The following EYA4 variants were observed in gnomAD, a reference collection of about 807,000 sequenced individuals.
EYA4 encodes the protein EYA transcriptional coactivator and phosphatase 4.
A neutral mutation model predicts 87.9 loss-of-function variants in EYA4; 31 were observed. That is an observed-to-expected ratio of 0.35 (90% confidence interval 0.27 to 0.48). The LOEUF (loss-of-function observed/expected upper bound fraction) is 0.48, where lower values mean the gene tolerates loss of function less well. Ranked by LOEUF, EYA4 falls within the 20% of genes least tolerant of loss-of-function variation. EYA4 has a pLI of 0.99. For missense variants in EYA4, 678 were observed against 761.4 expected, an observed-to-expected ratio of 0.89 and a Z score of 1.29; for synonymous variants, 263 against 270.6, an observed-to-expected ratio of 0.97 and a Z score of 0.28.
intron 1 of EYA4, among the ~76,000 whole-genome samples, chr6:133,246,301 C>A (rs1774403218): frequency 1.3e-5 from 2 of 152,112 alleles, no homozygotes; most frequent in South Asian, 4.1e-4. Flanking sequence ...ACCAGAAATT[C>A]TCATTTTTTT....
At chr6:133,389,663 C>T (rs1239481885) in intron 3 of EYA4, among the ~76,000 whole-genome samples, 2 of 152,190 alleles carry the variant, frequency 1.3e-5, no homozygotes, top group Admixed American at 6.5e-5. Flanking sequence ...ATTGTAATTA[C>T]ACTTCTTTCC....
intron 2 of EYA4, among the ~76,000 whole-genome samples, chr6:133,314,454 G>A (rs1419488533): frequency 1.3e-5 from 2 of 152,148 alleles, no homozygotes; most frequent in Non-Finnish European, 2.9e-5. Flanking sequence ...AGTCATGAAT[G>A]TCTTCTTTCC....
intron 14 of EYA4, among the ~76,000 whole-genome samples, chr6:133,511,319 T>C (rs965289608): frequency 3.3e-5 from 5 of 151,210 alleles, no homozygotes; most frequent in Non-Finnish European, 7.4e-5. Flanking sequence ...AATTTAATGA[T>C]TTTTTTTAAA....
chr6:133,466,938 A>G (rs1225394779), intron 10 of EYA4, among the ~76,000 whole-genome samples: 2 of 152,120 alleles, frequency 1.3e-5, no homozygotes, highest in Non-Finnish European at 2.9e-5. Context: ...CATTTTGAGC[A>G]AGAAAATTAC....
intron 3 of EYA4, among the ~76,000 whole-genome samples, chr6:133,418,491 G>T (rs931546952): frequency 3.9e-5 from 6 of 152,078 alleles, no homozygotes; most frequent in Non-Finnish European, 8.8e-5. Context: ...TTATTCTGTG[G>T]ACTTTTTTCT....
At chr6:133,311,195 G>A (rs6941879) in intron 2 of EYA4, among the ~76,000 whole-genome samples, 125,262 of 152,196 alleles carry the variant, frequency 0.82, 51,797 homozygotes, top group African/African-American at 0.89. Context: ...TGCTACTGCC[G>A]GCTTGTGATA....
At chr6:133,483,386 T>C (rs914567139) in intron 13 of EYA4, among the ~76,000 whole-genome samples, 1 of 152,066 alleles carries the variant, frequency 6.6e-6, no homozygotes, top group African/African-American at 2.4e-5. Context: ...ATAATTATTT[T>C]AGAAAAAAAA....
intron 3 of EYA4, among the ~76,000 whole-genome samples, chr6:133,428,234 G>A (rs1790848858): frequency 6.6e-6 from 1 of 152,204 alleles, no homozygotes; most frequent in South Asian, 2.1e-4. Flanking sequence ...GGCTGAGGAG[G>A]GATGAATTTG....
chr6:133,449,184 A>G (rs1185436416), intron 5 of EYA4, among the ~76,000 whole-genome samples: 1 of 152,202 alleles, frequency 6.6e-6, no homozygotes, highest in African/African-American at 2.4e-5. Flanking sequence ...TGTAGGCCAC[A>G]TGTCTGTGTT....
chr6:133,427,348 C>A (rs985245208), intron 3 of EYA4, among the ~76,000 whole-genome samples: 16 of 152,140 alleles, frequency 1.1e-4, no homozygotes, highest in African/African-American at 3.6e-4. Flanking sequence ...ATTAGTCAAT[C>A]ATGTTATCTG....
At chr6:133,365,233 C>A (rs1784769237) in intron 2 of EYA4, among the ~76,000 whole-genome samples, 1 of 152,174 alleles carries the variant, frequency 6.6e-6, no homozygotes, top group African/African-American at 2.4e-5. Flanking sequence ...ATCCTTGAGT[C>A]TTCTTCCTGT....
chr6:133,480,596 T>G (rs1796120758), intron 11 of EYA4, among the ~76,000 whole-genome samples: 1 of 152,180 alleles, frequency 6.6e-6, no homozygotes, highest in Non-Finnish European at 1.5e-5. Context: ...CATTGATAAT[T>G]TTATATTGAT....
intron 2 of EYA4, among the ~76,000 whole-genome samples, chr6:133,336,799 T>G (rs1471077608): frequency 1.3e-5 from 2 of 152,204 alleles, no homozygotes; most frequent in African/African-American, 4.8e-5. Flanking sequence ...TATGGAAACA[T>G]GTTAAGAACT....
At chr6:133,268,712 C>T (rs1776435618) in intron 1 of EYA4, among the ~76,000 whole-genome samples, 2 of 152,142 alleles carry the variant, frequency 1.3e-5, no homozygotes, top group East Asian at 3.9e-4. Context: ...AATGGGTCAG[C>T]TAGGAAAGGA....
rs1341930820 is a variant in EYA4 at position 133,529,431 on chromosome 6, A to G, written c.*626A>G. Reference sequence around the variant, plus strand: ...ATTGTCTCTTTTTTAAGTTTGGCAAACAGAATGTTCATACTGATGTGTTGT... The same window carrying G: ...ATTGTCTCTTTTTTAAGTTTGGCAAGCAGAATGTTCATACTGATGTGTTGT... On this transcript the variant is annotated 3_prime_UTR_variant, in exon 20 of 20. Coordinates refer to ENST00000355286, the MANE Select transcript of EYA4 (RefSeq NM_004100.5). The G allele has an allele frequency of 3.0e-6, 3 of 990,870 alleles. No individual in the cohort carries two copies. Among genetic ancestry groups the G allele is most frequent in the Admixed American group, 5.7e-5 (1 of 17,656 alleles). The allele number at this position is 990,870 out of a possible 1,614,324, so 61.4% of individuals were successfully genotyped here. A position where few individuals can be genotyped will look rare whatever the true frequency, so the allele number is the denominator to read the frequency against.
intron 3 of EYA4, among the ~76,000 whole-genome samples, chr6:133,414,158 G>A (rs905167265): frequency 1.9e-4 from 29 of 152,238 alleles, no homozygotes; most frequent in African/African-American, 6.7e-4. Context: ...CCCCCATGGT[G>A]TGGTGCCTGC....
In EYA4 at chr6:133,530,285, G is replaced by C. The variant is rs532278099; in HGVS notation, c.*1480G>C. The C allele has an allele frequency of 1.0e-4, 101 of 985,380 alleles. No individual in the cohort carries two copies. In the African/African-American group the frequency reaches 1.7e-3, roughly 17 times the overall value. The allele number at this position is 985,380 out of a possible 1,614,324, so 61.0% of individuals were successfully genotyped here. On this transcript the variant is annotated 3_prime_UTR_variant, in exon 20 of 20. Transcript: ENST00000355286. ...TAGTTTCTGCCTGTATTGTCACTGCGCAACGGATGGCATTCATTACAAGAA... is the reference window on the plus strand; with the variant it reads ...TAGTTTCTGCCTGTATTGTCACTGCCCAACGGATGGCATTCATTACAAGAA...
intron 19 of EYA4, among the ~76,000 whole-genome samples, chr6:133,526,135 CAG>C (rs1800614603): frequency 6.6e-6 from 1 of 152,144 alleles, no homozygotes; most frequent in Admixed American, 6.6e-5. Context: ...CCCCCACCAC[CAG>C]ACTGTCAACT....
intron 1 of EYA4, among the ~76,000 whole-genome samples, chr6:133,260,906 C>G (rs1030484617): frequency 6.6e-6 from 1 of 152,100 alleles, no homozygotes; most frequent in Non-Finnish European, 1.5e-5. Context: ...CTTTTGCTTC[C>G]TGCCCATCGC....
Sources: allele counts gnomAD v4.1 joint callset (sites outside exome capture counted in the v4.1 genomes callset), GRCh38; gene constraint gnomAD v4.1.1; transcripts MANE v1.5; gene names NCBI Gene and HGNC (gene_info 2026-07-23, HGNC 2026-07-21).